ELP1: variants seen among roughly 807,000 people sequenced by gnomAD.
ELP1 encodes the protein elongator complex protein 1.
ELP1 carries 131 observed loss-of-function variants against 183.2 expected under a neutral mutation model. The ratio of observed to expected loss-of-function variants is 0.72; its 90% confidence interval spans 0.62 to 0.83. ELP1 has a LOEUF of 0.83. Ranked by LOEUF, ELP1 falls within the 40% of genes least tolerant of loss-of-function variation. The pLI is 0.00. For synonymous variants in ELP1, 555 were observed against 569.0 expected, an observed-to-expected ratio of 0.98 and a Z score of 0.35; for missense variants, 1,550 against 1,594.9, an observed-to-expected ratio of 0.97 and a Z score of 0.48.
At chr9:108,883,190 G>T (rs1428246534) in intron 29 of ELP1, among the ~76,000 whole-genome samples, 1 of 152,134 alleles carries the variant, frequency 6.6e-6, no homozygotes, top group Non-Finnish European at 1.5e-5. Context: ...TTGAGACAGG[G>T]TCTTGTTCTG....
At chr9:108,926,652 G>C (rs1829833391) in intron 4 of ELP1, 49 bp from the exon 5 acceptor site, 2 of 1,468,152 alleles carry the variant, frequency 1.4e-6, no homozygotes, top group Non-Finnish European at 1.9e-6. Flanking sequence ...TAACAAATTT[G>C]CCATTCCTAA....
At position 108,923,005 on chromosome 9, in the gene ELP1, G is replaced by T. The variant is rs886103322; in HGVS notation, c.467-78C>A. ...CAGTTTCACTGCTATTCTTCATGAA[G>T]TTAGTCATTGGCAATTACTCAGGTC... On this transcript the variant is annotated intron_variant, in intron 5 of 36. Coordinates refer to ENST00000374647, the MANE Select transcript of ELP1 (RefSeq NM_003640.5). 3 of 1,062,790 alleles carry T rather than the reference G, an allele frequency of 2.8e-6. No individual in the cohort carries two copies. In the African/African-American group the frequency reaches 4.7e-5, roughly 17 times the overall value. 65.8% of individuals were successfully genotyped at this position (1,062,790 alleles called of 1,614,324 possible). A position where few individuals can be genotyped will look rare whatever the true frequency, so the allele number is the denominator to read the frequency against.
chr9:108,879,465 T>G lies in ELP1; in HGVS notation c.3553A>C (p.Ser1185Arg). 6.2e-7 allele frequency: 1 copy of G among 1,612,806 alleles called. No homozygotes were observed. ...ACGTACGCTGATATCCTGGAGTTAC[T>G]ATGGGAGTATTTGCCACTCATCTCA... ...GSEMSGKYSH[S>R]NSRISARSSK... Residue 1185 changes from serine to arginine, a missense_variant, in exon 33 of 37, where the codon AGT becomes CGT. Physicochemically the swap from Ser to Arg is moderately radical, Grantham distance 110. Coordinates refer to ENST00000374647, the MANE Select transcript of ELP1 (RefSeq NM_003640.5).
chr9:108,895,878 C>T (rs1828525406), intron 25 of ELP1, among the ~76,000 whole-genome samples: 1 of 152,206 alleles, frequency 6.6e-6, no homozygotes, highest in South Asian at 2.1e-4. Flanking sequence ...TGAGAAAGAA[C>T]CGGAGTGGAA....
intron 35 of ELP1, 69 bp downstream of exon 35, chr9:108,877,926 G>A: frequency 6.5e-7 from 1 of 1,528,508 alleles, no homozygotes; most frequent in Non-Finnish European, 9.1e-7. Context: ...TTTTGACTTG[G>A]AGATTGTGTG....
chr9:108,870,168 T>C (rs1827394463), intron 36 of ELP1, among the ~76,000 whole-genome samples: 2 of 152,088 alleles, frequency 1.3e-5, no homozygotes, highest in Non-Finnish European at 2.9e-5. Flanking sequence ...GGTTTCACCA[T>C]GCTGCCCAGG....
Position 108,868,763 on chromosome 9 carries a change from T to C in ELP1, c.*352A>G, listed in dbSNP as rs1203057893. ...TCTCCGCCAACAAAATAAGACAATTTAGAAACATTGTTTTACTTGTCTTCA... is the reference window on the plus strand; with the variant it reads ...TCTCCGCCAACAAAATAAGACAATTCAGAAACATTGTTTTACTTGTCTTCA... On this transcript the variant is annotated 3_prime_UTR_variant, in exon 37 of 37. Coordinates refer to ENST00000374647, the MANE Select transcript of ELP1 (RefSeq NM_003640.5). The C allele has an allele frequency of 3.6e-6, 2 of 561,854 alleles. No homozygotes were observed. Among genetic ancestry groups the C allele is most frequent in the Admixed American group, 3.2e-5 (1 of 31,022 alleles). 34.8% of individuals were successfully genotyped at this position (561,854 alleles called of 1,614,324 possible).
chr9:108,899,988 TACC>T lies in ELP1; in HGVS notation c.2131-96_2131-94del, dbSNP rs1303173404. On this transcript the variant is annotated intron_variant, in intron 19 of 36. Coordinates refer to ENST00000374647, the MANE Select transcript of ELP1 (RefSeq NM_003640.5). ...TTTTACCTAACTCTTCACAGAGAAT[TACC>T]ACAACTCTCTAAAATCAGCACACTT... The T allele has an allele frequency of 6.1e-6, 6 of 991,258 alleles. No individual in the cohort carries two copies. The African/African-American group carries it at 9.6e-5, about 16-fold the overall frequency. The allele number at this position is 991,258 out of a possible 1,614,324, so 61.4% of individuals were successfully genotyped here.
Position 108,903,642 on chromosome 9 carries a change from T to C in ELP1, c.1671A>G (p.Ile557Met), listed in dbSNP as rs1210621548. ...VSSSAAVDGV[I>M]ISLCCNSKTK... ...TCTTGGAATTGCAACATAGACTGAT[T>C]ATGACCCCATCCACCGCTGCAGATG... The change falls in exon 15 of 37, where the codon ATA becomes ATG. Residue 557 changes from isoleucine to methionine, a missense_variant. Ile to Met is a conservative substitution (Grantham distance 10). Coordinates refer to ENST00000374647, the MANE Select transcript of ELP1 (RefSeq NM_003640.5). 6.2e-7 allele frequency: 1 copy of C among 1,613,924 alleles called. No individual in the cohort carries two copies. The highest frequency in any genetic ancestry group is 8.5e-7 in the Non-Finnish European group (1 of 1,179,880).
At position 108,916,254 on chromosome 9, in the gene ELP1, A is replaced by G. The variant is rs1163492529; in HGVS notation, c.908T>C (p.Val303Ala). 6.2e-7 allele frequency: 1 copy of G among 1,614,192 alleles called. No individual in the cohort carries two copies. The highest frequency in any genetic ancestry group is 8.5e-7 in the Non-Finnish European group (1 of 1,180,014). Reference sequence around the variant, plus strand: ...TTCTCTCTGAAGGTCTTCCAGCCAGACTGCAAGCACAGAGGAATCTGCATT... The same window carrying G: ...TTCTCTCTGAAGGTCTTCCAGCCAGGCTGCAAGCACAGAGGAATCTGCATT... ...LWNADSSVLA[V>A]WLEDLQREES... Residue 303 changes from valine (V) to alanine (A), a missense_variant, in exon 10 of 37, where the codon GTC becomes GCC. Physicochemically the swap from Val to Ala is moderately conservative, Grantham distance 64. Coordinates refer to ENST00000374647, the MANE Select transcript of ELP1 (RefSeq NM_003640.5).
At chr9:108,880,603 A>G (rs895368585) in intron 31 of ELP1, among the ~76,000 whole-genome samples, 17 of 152,230 alleles carry the variant, frequency 1.1e-4, no homozygotes, top group Admixed American at 1.3e-4. Context: ...ATATTGTCCA[A>G]TGGAAAAATA....
intron 29 of ELP1, among the ~76,000 whole-genome samples, chr9:108,886,697 AAGATTAGACAGT>A (rs1183941156): frequency 6.6e-6 from 1 of 152,194 alleles, no homozygotes; most frequent in Non-Finnish European, 1.5e-5. Context: ...TTTCCTGTAA[AAGATTAGACAGT>A]AAATATAGGC....
At chr9:108,921,074 G>A (rs1341655212) in intron 6 of ELP1, among the ~76,000 whole-genome samples, 1 of 152,016 alleles carries the variant, frequency 6.6e-6, no homozygotes, top group Non-Finnish European at 1.5e-5. Context: ...ATATTATTAA[G>A]GTTCACCCAT....
chr9:108,887,926 C>T (rs568009172), intron 29 of ELP1, among the ~76,000 whole-genome samples: 12 of 152,306 alleles, frequency 7.9e-5, no homozygotes, highest in Middle Eastern at 3.4e-3. Flanking sequence ...CCACTTACCA[C>T]GGGATGTGGC....
At chr9:108,924,825 C>T (rs932174919) in intron 5 of ELP1, among the ~76,000 whole-genome samples, 2 of 152,176 alleles carry the variant, frequency 1.3e-5, no homozygotes, top group Non-Finnish European at 2.9e-5. Context: ...TCCATCTTCC[C>T]TGTTACTGGC....
intron 28 of ELP1, chr9:108,889,681 G>C (rs1403591750): frequency 4.4e-6 from 2 of 455,404 alleles, no homozygotes; most frequent in African/African-American, 4.0e-5. Context: ...TCCCTTAACA[G>C]TAAGAGACCA....
At chr9:108,923,001 T>C in intron 5 of ELP1, 74 bp from the exon 6 acceptor site, 1 of 1,103,278 alleles carries the variant, frequency 9.1e-7, no homozygotes, top group South Asian at 1.2e-5. Flanking sequence ...CTATTCTTCA[T>C]GAAGTTAGTC....
At chr9:108,900,038 C>T in intron 19 of ELP1, 143 bp from the exon 20 acceptor site, 1 of 838,014 alleles carries the variant, frequency 1.2e-6, no homozygotes, top group South Asian at 1.5e-5. Flanking sequence ...TTGTTGTTCT[C>T]TATATTTATC....
At chr9:108,899,738 G>T in intron 20 of ELP1, 84 bp downstream of exon 20, 2 of 1,101,898 alleles carry the variant, frequency 1.8e-6, no homozygotes, top group Non-Finnish European at 2.8e-6. Context: ...ATAATTTTAA[G>T]TTCTCGAAAT....
Sources: allele counts gnomAD v4.1 joint callset (sites outside exome capture counted in the v4.1 genomes callset), GRCh38; gene constraint gnomAD v4.1.1; transcripts MANE v1.5; gene names NCBI Gene and HGNC (gene_info 2026-07-23, HGNC 2026-07-21).